ABHD13: variants seen among roughly 807,000 people sequenced by gnomAD.
ABHD13 encodes abhydrolase domain containing 13, also known as protein ABHD13.
A neutral mutation model predicts 25.2 loss-of-function variants in ABHD13; 7 were observed. The observed-to-expected ratio is 0.28, with a 90% CI of 0.16 to 0.52. The LOEUF is 0.52. ABHD13 is among the 20% of genes least tolerant of loss of function. The pLI is 0.96. For missense variants in ABHD13, 302 were observed against 402.7 expected (o/e 0.75, Z 2.14); for synonymous variants, 133 against 136.1 (o/e 0.98, Z 0.16).
chr13:108,232,676 C>T lies in ABHD13; in HGVS notation c.*2444C>T, dbSNP rs1879832891. ...GCAGCTATAGGAGTTTACAAAAGAA[C>T]TTTAAGTTATTAAGTTACTATAAAT... On this transcript the variant is annotated 3_prime_UTR_variant, in exon 2 of 2. Transcript: ENST00000375898. 1 of 166,640 alleles carries T rather than the reference C, an allele frequency of 6.0e-6. No homozygotes were observed. Among genetic ancestry groups the T allele is most frequent in the African/African-American group, 2.4e-5 (1 of 41,364 alleles). 10.3% of individuals were successfully genotyped at this position (166,640 alleles called of 1,614,324 possible).
In ABHD13 at chr13:108,231,750, A is replaced by G. The variant is rs1879808888; in HGVS notation, c.*1518A>G. 1 of 166,826 alleles carries G rather than the reference A, an allele frequency of 6.0e-6. No individual in the cohort carries two copies. The highest frequency in any genetic ancestry group is 2.4e-5 in the African/African-American group (1 of 41,432). 10.3% of individuals were successfully genotyped at this position (166,826 alleles called of 1,614,324 possible). A position where few individuals can be genotyped will look rare whatever the true frequency, so the allele number is the denominator to read the frequency against. ...GTAATGGGTCAATAATCTTGACCTT[A>G]ATTTAAAACTTTCAATGGAGATAGG... On this transcript the variant is annotated 3_prime_UTR_variant, in exon 2 of 2. Transcript: ENST00000375898.
chr13:108,222,900 G>T (rs1879597839), intron 1 of ABHD13, among the ~76,000 whole-genome samples: 1 of 152,232 alleles, frequency 6.6e-6, no homozygotes, highest in Non-Finnish European at 1.5e-5. Context: ...AGTGAAACAT[G>T]AAGAAAGTCA....
In ABHD13 at chr13:108,233,154, T is replaced by C. The variant is rs1439817090; in HGVS notation, c.*2922T>C. 1 of 166,856 alleles carries C rather than the reference T, an allele frequency of 6.0e-6. No individual in the cohort carries two copies. The highest frequency in any genetic ancestry group is 2.4e-5 in the African/African-American group (1 of 41,454). The allele number at this position is 166,856 out of a possible 1,614,324, so 10.3% of individuals were successfully genotyped here. ...TAAATTTATGATTACCTGTAGACAC[T>C]TGATATTTACATAGATTACAGCTTT... On this transcript the variant is annotated 3_prime_UTR_variant, in exon 2 of 2. Coordinates refer to ENST00000375898, the MANE Select transcript of ABHD13 (RefSeq NM_032859.3).
intron 1 of ABHD13, among the ~76,000 whole-genome samples, chr13:108,220,884 A>G (rs1330332761): frequency 1.3e-5 from 2 of 152,214 alleles, no homozygotes; most frequent in Non-Finnish European, 2.9e-5. Flanking sequence ...CCCATTTATA[A>G]ATTGGAAACT....
intron 1 of ABHD13, among the ~76,000 whole-genome samples, chr13:108,219,153 C>T (rs1879481339): frequency 1.3e-5 from 2 of 152,074 alleles, no homozygotes; most frequent in South Asian, 4.2e-4. Flanking sequence ...GAGGGAGAGC[C>T]CCGATCTAAT....
chr13:108,230,257 T>C lies in ABHD13; in HGVS notation c.*25T>C. The C allele has an allele frequency of 6.6e-7, 1 of 1,507,684 alleles. No homozygotes were observed. The highest frequency in any genetic ancestry group is 8.9e-7 in the Non-Finnish European group (1 of 1,117,782). 93.4% of individuals were successfully genotyped at this position (1,507,684 alleles called of 1,614,324 possible). ...ATGTTTCCCTTTTTGATTATTGCAT[T>C]GTATTTTAATTTGTGCAGAATGATA... On this transcript the variant is annotated 3_prime_UTR_variant, in exon 2 of 2. Coordinates refer to ENST00000375898, the MANE Select transcript of ABHD13 (RefSeq NM_032859.3).
Position 108,231,291 on chromosome 13 carries a change from A to G in ABHD13, c.*1059A>G, listed in dbSNP as rs1020447821. ...TACAAAATCCAACAACAACAACAAC[A>G]AAACAATGTTCTTGGTTTTAATGTT... On this transcript the variant is annotated 3_prime_UTR_variant, in exon 2 of 2. Transcript: ENST00000375898. The G allele has an allele frequency of 1.8e-5, 3 of 166,810 alleles. No individual in the cohort carries two copies. Among genetic ancestry groups the G allele is most frequent in the African/African-American group, 7.2e-5 (3 of 41,426 alleles). 10.3% of individuals were successfully genotyped at this position (166,810 alleles called of 1,614,324 possible). A position where few individuals can be genotyped will look rare whatever the true frequency, so the allele number is the denominator to read the frequency against.
At chr13:108,223,096 A>C (rs1879601161) in intron 1 of ABHD13, among the ~76,000 whole-genome samples, 2 of 152,202 alleles carry the variant, frequency 1.3e-5, no homozygotes, top group Admixed American at 1.3e-4. Context: ...GTTTGTAGTG[A>C]ATTTTTTACT....
rs771540579 is a variant in ABHD13, at chr13:108,230,068, C to T, written c.850C>T (p.Pro284Ser). Residue 284 changes from proline to serine, a missense_variant, in exon 2 of 2, where the codon CCA becomes TCA. Coordinates refer to ENST00000375898, the MANE Select transcript of ABHD13 (RefSeq NM_032859.3). The stretch of plus-strand genomic sequence containing the variant: ...GATGAAACAACTTTATGAACTCTCC[C>T]CATCTCGGACTAAGAGATTAGCCAT... ...VMMKQLYELS[P>S]SRTKRLAIFP... 9.9e-6 allele frequency: 16 copies of T among 1,613,048 alleles called. No individual in the cohort carries two copies. In the Admixed American group the frequency reaches 2.7e-4, roughly 27 times the overall value.
chr13:108,230,050 C>A lies in ABHD13; in HGVS notation c.832C>A (p.Gln278Lys), dbSNP rs1225041234. ...ATTAATTCCACCAGTAATGATGAAA[C>A]AACTTTATGAACTCTCCCCATCTCG... is the stretch of plus-strand genomic sequence containing the variant. The part of the protein sequence containing the change: ...DQLIPPVMMK[Q>K]LYELSPSRTK... The change falls in exon 2 of 2, where the codon CAA becomes AAA. Residue 278 changes from glutamine (Q) to lysine (K), a missense_variant. Physicochemically the swap from Gln to Lys is moderately conservative, Grantham distance 53. Transcript: ENST00000375898. 6.2e-7 allele frequency: 1 copy of A among 1,613,018 alleles called. No homozygotes were observed. The highest frequency in any genetic ancestry group is 1.3e-5 in the African/African-American group (1 of 74,834).
At chr13:108,228,639 T>G (rs529803798) in intron 1 of ABHD13, among the ~76,000 whole-genome samples, 10 of 152,034 alleles carry the variant, frequency 6.6e-5, no homozygotes, top group African/African-American at 2.4e-4. Context: ...TACCCTAGTT[T>G]CTTTAGTTTT....
intron 1 of ABHD13, 75 bp downstream of exon 1, chr13:108,218,734 G>GC (rs1460981579): frequency 6.6e-6 from 1 of 151,696 alleles, no homozygotes. Flanking sequence ...GTCGCGGGGA[G>GC]CCGCCGGCTC....
Position 108,230,386 on chromosome 13 carries a change from T to C in ABHD13, c.*154T>C. On this transcript the variant is annotated 3_prime_UTR_variant, in exon 2 of 2. Coordinates refer to ENST00000375898, the MANE Select transcript of ABHD13 (RefSeq NM_032859.3). ...TCCTTTACGATATTCCAAATAGTTT[T>C]TTACATTGGAAAAACTAATTCTTGG... 1 of 640,092 alleles carries C rather than the reference T, an allele frequency of 1.6e-6. No individual in the cohort carries two copies. Among genetic ancestry groups the C allele is most frequent in the Non-Finnish European group, 2.6e-6 (1 of 388,304 alleles). 39.7% of individuals were successfully genotyped at this position (640,092 alleles called of 1,614,324 possible).
Position 108,230,187 on chromosome 13 carries a change from T to C in ABHD13, c.969T>C (p.Ser323=). The C allele has an allele frequency of 1.2e-6, 2 of 1,603,536 alleles. No individual in the cohort carries two copies. Among genetic ancestry groups the C allele is most frequent in the Non-Finnish European group, 8.5e-7 (1 of 1,175,570 alleles). Residue 323 remains serine, a synonymous_variant, in exon 2 of 2, where the codon TCT becomes TCC. Transcript: ENST00000375898. ...TCAAAGAAGTCGTAAAGAGCCATTC[T>C]CCTGAAGAAATGGCAAAAACTTCAT... ...QFIKEVVKSH[S]PEEMAKTSSN...
At position 108,234,213 on chromosome 13, in the gene ABHD13, T is replaced by A. The variant is rs1415630532; in HGVS notation, c.*3981T>A. On this transcript the variant is annotated 3_prime_UTR_variant, in exon 2 of 2. Coordinates refer to ENST00000375898, the MANE Select transcript of ABHD13 (RefSeq NM_032859.3). ...TACTTTCTATTTTTCTGTACTGACA[T>A]ATGCAATAAATTGGTACATTAAAAA... 1 of 166,868 alleles carries A rather than the reference T, an allele frequency of 6.0e-6. No homozygotes were observed. Among genetic ancestry groups the A allele is most frequent in the Admixed American group, 6.5e-5 (1 of 15,268 alleles). The allele number at this position is 166,868 out of a possible 1,614,324, so 10.3% of individuals were successfully genotyped here. A position where few individuals can be genotyped will look rare whatever the true frequency, so the allele number is the denominator to read the frequency against.
At chr13:108,227,506 G>A (rs12855308) in intron 1 of ABHD13, among the ~76,000 whole-genome samples, 8,809 of 152,040 alleles carry the variant, frequency 0.058, 248 homozygotes, top group East Asian at 0.11. Context: ...TATGTAAATT[G>A]ATATAAATGT....
chr13:108,233,514 T>C lies in ABHD13; in HGVS notation c.*3282T>C, dbSNP rs1213019053. On this transcript the variant is annotated 3_prime_UTR_variant, in exon 2 of 2. Coordinates refer to ENST00000375898, the MANE Select transcript of ABHD13 (RefSeq NM_032859.3). ...ATTCTTCTTTCCCATTTTCCTATTA[T>C]GTTTGATAATTATATGTATTTTTAA... 5 of 166,760 alleles carry C rather than the reference T, an allele frequency of 3.0e-5. No homozygotes were observed. The highest frequency in any genetic ancestry group is 6.6e-5 in the Admixed American group (1 of 15,254). 10.3% of individuals were successfully genotyped at this position (166,760 alleles called of 1,614,324 possible). A position where few individuals can be genotyped will look rare whatever the true frequency, so the allele number is the denominator to read the frequency against.
chr13:108,228,622 A>G (rs1321399487), intron 1 of ABHD13, among the ~76,000 whole-genome samples: 1 of 151,426 alleles, frequency 6.6e-6, no homozygotes. Context: ...TGTTTTGCCC[A>G]ACTCCTTACC....
At chr13:108,225,104 C>T (rs570409657) in intron 1 of ABHD13, among the ~76,000 whole-genome samples, 1 of 151,944 alleles carries the variant, frequency 6.6e-6, no homozygotes, top group African/African-American at 2.4e-5. Flanking sequence ...AACTGTAATA[C>T]TTAAATCTTA....
Sources: gnomAD v4.1 joint callset for allele counts (sites outside exome capture counted in the v4.1 genomes callset) on GRCh38, gnomAD v4.1.1 for gene constraint, MANE v1.5 for transcripts, NCBI Gene and HGNC (gene_info 2026-07-23, HGNC 2026-07-21) for gene names.